Variants in AK5 observed in about 807,000 individuals in gnomAD.
AK5 encodes adenylate kinase 5.
AK5 carries 27 observed loss-of-function variants against 69.5 expected under a neutral mutation model. That is an observed-to-expected ratio of 0.39 (90% CI 0.29 to 0.54). AK5 has a LOEUF of 0.54. Among genes scored for constraint, AK5 ranks in the 20% least tolerant of loss-of-function variants. AK5 has a pLI of 0.71. For synonymous variants in AK5, 260 were observed against 244.4 expected (o/e 1.06, Z -0.60); for missense variants, 531 against 700.4 (o/e 0.76, Z 2.73).
At chr1:77,520,223 A>G (rs892454971) in intron 11 of AK5, among the ~76,000 whole-genome samples, 3 of 147,872 alleles carry the variant, frequency 2.0e-5, no homozygotes, top group Middle Eastern at 3.2e-3. Context: ...AAAAAAAAAG[A>G]GAATACCTTA....
intron 13 of AK5, among the ~76,000 whole-genome samples, chr1:77,543,331 G>C (rs1409428319): frequency 6.6e-6 from 1 of 152,162 alleles, no homozygotes; most frequent in Non-Finnish European, 1.5e-5. Flanking sequence ...TGTATACCTT[G>C]AATTCTCTGT....
Position 77,434,107 on chromosome 1 carries a change from CATAAATAAATAAATAAATAA to C in AK5, c.1059+16418_1059+16437del, listed in dbSNP as rs144552494. 2.2e-4 allele frequency among the ~76,000 whole-genome samples: 31 copies of C among 143,586 alleles called. No homozygotes were observed. In the South Asian group the frequency reaches 3.8e-3, roughly 18 times the overall value. The allele number at this position is 143,586 out of a possible 152,430, so 94.2% of individuals were successfully genotyped here. ...GAAATCAGAAAAATAGAGTGCAAAG[CATAAATAAATAAATAAATAA>C]ATAAATAAATAAATAAATAAATAAA... On this transcript the variant is annotated intron_variant, in intron 8 of 13. Transcript: ENST00000354567.
At chr1:77,489,420 A>G (rs12564604) in intron 10 of AK5, among the ~76,000 whole-genome samples, 7,127 of 152,270 alleles carry the variant, frequency 0.047, 355 homozygotes, top group East Asian at 0.2. Flanking sequence ...GTACATACTG[A>G]ACTCTGAGAA....
chr1:77,476,904 T>C (rs1654969788), intron 8 of AK5, among the ~76,000 whole-genome samples: 1 of 107,292 alleles, frequency 9.3e-6, no homozygotes, highest in Non-Finnish European at 2.1e-5. Flanking sequence ...TTTGCTGTTT[T>C]TTTAAAAAAA....
At chr1:77,530,094 G>T (rs1030703480) in intron 12 of AK5, among the ~76,000 whole-genome samples, 4 of 152,108 alleles carry the variant, frequency 2.6e-5, no homozygotes, top group Non-Finnish European at 5.9e-5. Context: ...ACACACACAC[G>T]TGCACATATG....
chr1:77,481,866 A>T (rs1179055876), intron 8 of AK5, among the ~76,000 whole-genome samples: 1 of 152,236 alleles, frequency 6.6e-6, no homozygotes, highest in Non-Finnish European at 1.5e-5. Context: ...TTCCAAAAAA[A>T]GTTTGAGACT....
intron 8 of AK5, among the ~76,000 whole-genome samples, chr1:77,459,151 C>G (rs1653676845): frequency 6.6e-6 from 1 of 152,174 alleles, no homozygotes. Context: ...CATCACACTT[C>G]CACACTTTTC....
chr1:77,390,704 T>C (rs917422025), intron 6 of AK5, among the ~76,000 whole-genome samples: 6 of 152,258 alleles, frequency 3.9e-5, no homozygotes, highest in Non-Finnish European at 7.3e-5. Context: ...ACAAAATGTT[T>C]AAAAGTTCTT....
intron 13 of AK5, among the ~76,000 whole-genome samples, chr1:77,543,672 A>G (rs1462807011): frequency 6.6e-6 from 1 of 152,156 alleles, no homozygotes; most frequent in Non-Finnish European, 1.5e-5. Flanking sequence ...AGCTGGGACC[A>G]TAGACATGAA....
At chr1:77,373,536 G>A (rs1647160620) in intron 6 of AK5, among the ~76,000 whole-genome samples, 1 of 152,018 alleles carries the variant, frequency 6.6e-6, no homozygotes, top group Non-Finnish European at 1.5e-5. Flanking sequence ...GACCAGCCTG[G>A]CCAACATGGT....
At chr1:77,554,731 G>A (rs371361944) in intron 13 of AK5, among the ~76,000 whole-genome samples, 7 of 151,098 alleles carry the variant, frequency 4.6e-5, no homozygotes, top group South Asian at 2.1e-4. Context: ...TGAGCCTCCC[G>A]AGTAGCTGGG....
chr1:77,324,664 T>G (rs1660702940), intron 5 of AK5, among the ~76,000 whole-genome samples: 1 of 151,316 alleles, frequency 6.6e-6, no homozygotes, highest in African/African-American at 2.4e-5. Context: ...CTAGAAACTC[T>G]GAATCTACCA....
chr1:77,298,575 G>A (rs1000036472), intron 5 of AK5, among the ~76,000 whole-genome samples: 15 of 151,880 alleles, frequency 9.9e-5, no homozygotes, highest in South Asian at 2.1e-4. Flanking sequence ...AGGCTGAGGC[G>A]GATGGATGGC....
intron 10 of AK5, among the ~76,000 whole-genome samples, chr1:77,516,291 A>T (rs1371198231): frequency 6.6e-5 from 10 of 152,164 alleles, no homozygotes; most frequent in Non-Finnish European, 2.9e-5. Flanking sequence ...GATTGTAAGA[A>T]TGGTGGTTGC....
intron 10 of AK5, 85 bp from the exon 11 acceptor site, chr1:77,518,479 C>A: frequency 7.0e-7 from 1 of 1,426,382 alleles, no homozygotes; most frequent in South Asian, 1.3e-5. Context: ...GACTGGAACA[C>A]TGAGGCTTGC....
At chr1:77,547,337 G>C (rs1410728337) in intron 13 of AK5, among the ~76,000 whole-genome samples, 4 of 130,982 alleles carry the variant, frequency 3.1e-5, no homozygotes, top group Non-Finnish European at 6.2e-5. Context: ...GCAGTGGCAC[G>C]ATCTCAGCTC....
At chr1:77,407,417 T>G (rs979986879) in intron 6 of AK5, among the ~76,000 whole-genome samples, 4 of 152,198 alleles carry the variant, frequency 2.6e-5, no homozygotes, top group African/African-American at 9.7e-5. Flanking sequence ...GCATACGGTA[T>G]TATTCATTTT....
chr1:77,462,064 T>C (rs1653873431), intron 8 of AK5, among the ~76,000 whole-genome samples: 1 of 152,258 alleles, frequency 6.6e-6, no homozygotes, highest in African/African-American at 2.4e-5. Context: ...AATAGTAGTC[T>C]TTAGAAAAAC....
At chr1:77,508,193 T>C (rs1657129823) in intron 10 of AK5, among the ~76,000 whole-genome samples, 1 of 152,196 alleles carries the variant, frequency 6.6e-6, no homozygotes, top group African/African-American at 2.4e-5. Flanking sequence ...TGCTCCAACC[T>C]GTATATCTTG....
Sources: gnomAD v4.1 joint callset for allele counts (sites outside exome capture counted in the v4.1 genomes callset) on GRCh38, gnomAD v4.1.1 for gene constraint, MANE v1.5 for transcripts, NCBI Gene and HGNC (gene_info 2026-07-23, HGNC 2026-07-21) for gene names.